ROBO2: variants seen among roughly 807,000 people sequenced by gnomAD.
ROBO2 encodes the protein roundabout homolog 2.
ROBO2 carries 53 observed loss-of-function variants against 160.8 expected under a neutral mutation model. The ratio of observed to expected loss-of-function variants is 0.33; its 90% CI spans 0.26 to 0.41. The LOEUF (loss-of-function observed/expected upper bound fraction) is 0.41. Among genes scored for constraint, ROBO2 ranks in the 10% least tolerant of loss-of-function variants. The pLI is 1.00. For missense variants in ROBO2, 1,577 were observed against 1,722.4 expected (o/e 0.92, Z 1.49); for synonymous variants, 664 against 611.7 (o/e 1.09, Z -1.26).
At chr3:76,840,676 A>AT (rs1559586498) in intron 2 of ROBO2, among the ~76,000 whole-genome samples, 2 of 138,652 alleles carry the variant, frequency 1.4e-5, no homozygotes, top group Admixed American at 7.3e-5. Flanking sequence ...TATATATATA[A>AT]GATGAAGTAA....
chr3:76,657,441 A>G (rs931019700), intron 2 of ROBO2, among the ~76,000 whole-genome samples: 35 of 145,810 alleles, frequency 2.4e-4, no homozygotes, highest in African/African-American at 8.9e-4. Flanking sequence ...ACAAACAAAA[A>G]AATTACATTA....
chr3:76,799,477 A>G (rs2064033960), intron 2 of ROBO2, among the ~76,000 whole-genome samples: 1 of 151,198 alleles, frequency 6.6e-6, no homozygotes, highest in Admixed American at 6.6e-5. Flanking sequence ...AAAAAAACCT[A>G]AAGACTTCAC....
intron 2 of ROBO2, among the ~76,000 whole-genome samples, chr3:76,555,981 C>T (rs887050642): frequency 3.9e-5 from 6 of 152,024 alleles, no homozygotes; most frequent in African/African-American, 1.4e-4. Context: ...ATCTGAGCTA[C>T]TTGGCAGGCT....
chr3:77,502,907 A>G (rs767616904), intron 5 of ROBO2, among the ~76,000 whole-genome samples: 1 of 152,172 alleles, frequency 6.6e-6, no homozygotes, highest in South Asian at 2.1e-4. Context: ...AGGGAGGACT[A>G]TGTATACATC....
intron 2 of ROBO2, among the ~76,000 whole-genome samples, chr3:76,788,111 A>G (rs2108687831): frequency 6.6e-6 from 1 of 151,336 alleles, no homozygotes; most frequent in Non-Finnish European, 1.5e-5. Context: ...TTAATAGAGC[A>G]GAAGGGAAAT....
chr3:76,776,280 CTGAT>C (rs1295586097), intron 2 of ROBO2, among the ~76,000 whole-genome samples: 1 of 150,904 alleles, frequency 6.6e-6, no homozygotes, highest in Non-Finnish European at 1.5e-5. Flanking sequence ...ATGCTGATAA[CTGAT>C]TGATTTTTAA....
At chr3:77,431,732 A>G (rs1326381445) in intron 2 of ROBO2, among the ~76,000 whole-genome samples, 1 of 152,182 alleles carries the variant, frequency 6.6e-6, no homozygotes, top group Admixed American at 6.6e-5. Context: ...AGTGATGAAA[A>G]GGGGCAGACT....
chr3:76,204,143 A>C (rs1395494535), intron 2 of ROBO2, among the ~76,000 whole-genome samples: 2 of 152,178 alleles, frequency 1.3e-5, no homozygotes, highest in African/African-American at 4.8e-5. Context: ...TGTTACTTTA[A>C]ATTTCCTAAG....
At chr3:77,588,850 G>T (rs568699457) in exon 17 of ROBO2, 2 of 1,613,644 alleles carry the variant, frequency 1.2e-6, no homozygotes, top group African/African-American at 1.3e-5. Context: ...GGTATTGGTG[G>T]TGCCTGCTGG....
intron 2 of ROBO2, among the ~76,000 whole-genome samples, chr3:76,163,384 C>T (rs1211604248): frequency 6.6e-6 from 1 of 151,330 alleles, no homozygotes; most frequent in Non-Finnish European, 1.5e-5. Context: ...TGTAAGCCTA[C>T]TTAACAGTGA....
At chr3:77,231,515 T>TA (rs953734044) in intron 2 of ROBO2, among the ~76,000 whole-genome samples, 1 of 152,104 alleles carries the variant, frequency 6.6e-6, no homozygotes, top group African/African-American at 2.4e-5. Flanking sequence ...TTATATGCCT[T>TA]ACTTTATTCT....
chr3:77,260,902 G>C (rs537723682), intron 2 of ROBO2, among the ~76,000 whole-genome samples: 1 of 152,154 alleles, frequency 6.6e-6, no homozygotes, highest in Admixed American at 6.5e-5. Context: ...AGGCTGTGGA[G>C]CAGGACTGCA....
chr3:76,206,044 G>T (rs2107286472), intron 2 of ROBO2, among the ~76,000 whole-genome samples: 1 of 152,228 alleles, frequency 6.6e-6, no homozygotes, highest in Middle Eastern at 3.4e-3. Context: ...TGTCCCTCTA[G>T]TCCCCCTGGA....
intron 2 of ROBO2, among the ~76,000 whole-genome samples, chr3:76,142,061 A>G (rs372258897): frequency 8.6e-5 from 13 of 152,046 alleles, no homozygotes; most frequent in African/African-American, 2.9e-4. Flanking sequence ...ACACAAATGC[A>G]ATAACAAACG....
intron 2 of ROBO2, among the ~76,000 whole-genome samples, chr3:76,457,692 G>A (rs550832721): frequency 2.9e-4 from 44 of 152,266 alleles, no homozygotes; most frequent in Admixed American, 9.8e-4. Context: ...GGCCCTGCCC[G>A]TGCAGAAACC....
rs141154616 is a variant in ROBO2 at position 76,561,071 on chromosome 3, T to C, written c.110-536943T>C. On this transcript the variant is annotated intron_variant, in intron 2 of 26. Transcript: ENST00000487694. ...ATATATAGACACACACACACAGATA[T>C]ATTCACCATTATAGCTCACTGTTTC... is the stretch of plus-strand genomic sequence containing the variant. Among the ~76,000 whole-genome samples, 48 of 151,148 alleles carry C rather than the reference T, an allele frequency of 3.2e-4. No homozygotes were observed. In the East Asian group the frequency reaches 7.4e-3, roughly 23 times the overall value.
intron 2 of ROBO2, among the ~76,000 whole-genome samples, chr3:76,992,098 T>C (rs566629087): frequency 1.3e-5 from 2 of 151,972 alleles, no homozygotes; most frequent in Non-Finnish European, 2.9e-5. Flanking sequence ...GAAAATTTAC[T>C]ATCCTGTAGT....
At chr3:77,284,547 A>G (rs1044108625) in intron 2 of ROBO2, among the ~76,000 whole-genome samples, 10 of 152,148 alleles carry the variant, frequency 6.6e-5, no homozygotes, top group Admixed American at 6.5e-5. Context: ...GGAGACTGAG[A>G]AGAGGGTTTC....
chr3:76,838,773 T>C (rs532162944), intron 2 of ROBO2, among the ~76,000 whole-genome samples: 2 of 149,154 alleles, frequency 1.3e-5, no homozygotes, highest in South Asian at 2.2e-4. Context: ...ACTCCTACTC[T>C]ACCCTTGGTG....
Sources: gnomAD v4.1 joint callset for allele counts (sites outside exome capture counted in the v4.1 genomes callset) on GRCh38, gnomAD v4.1.1 for gene constraint, MANE v1.5 for transcripts, NCBI Gene and HGNC (gene_info 2026-07-23, HGNC 2026-07-21) for gene names.